Variants in CALN1 observed in about 807,000 individuals in gnomAD.
The protein encoded by CALN1 is calcium-binding protein 8.
In CALN1, 17 loss-of-function variants were observed where a neutral mutation model predicts 30.6. The ratio of observed to expected loss-of-function variants is 0.56; its 90% CI spans 0.38 to 0.83. CALN1 has a LOEUF of 0.83. CALN1 is among the 40% of genes least tolerant of loss of function. The pLI, the probability that CALN1 is intolerant of heterozygous loss-of-function variation, is 0.00. For synonymous variants in CALN1, 156 were observed against 131.4 expected (o/e 1.19, Z -1.28); for missense variants, 291 against 354.9 (o/e 0.82, Z 1.45).
chr7:72,492,653 T>C, the CALN1 span, among the ~76,000 whole-genome samples: 2 of 152,254 alleles, frequency 1.3e-5, no homozygotes, highest in African/African-American at 4.8e-5. Flanking sequence ...TCAGCCCTCG[T>C]GGCTCTAATA....
chr7:72,457,004 CTTTTTTT>C, the CALN1 span, among the ~76,000 whole-genome samples: 41 of 106,576 alleles, frequency 3.8e-4, 1 homozygote, highest in African/African-American at 1.3e-3. Context: ...TTCTTTCTTT[CTTTTTTT>C]TTTTTTTTTT....
chr7:71,971,953 A>AAAAAAGAAAGAAAG (rs1797839188), intron 5 of CALN1, among the ~76,000 whole-genome samples: 6 of 72,820 alleles, frequency 8.2e-5, no homozygotes, highest in African/African-American at 1.4e-4. Context: ...AAAAAAAAAA[A>AAAAAAGAAAGAAAG]AAAGAAAGAA....
intron 5 of CALN1, among the ~76,000 whole-genome samples, chr7:71,909,462 T>C (rs1297666152): frequency 6.6e-6 from 1 of 151,954 alleles, no homozygotes. Flanking sequence ...AGCAGACTGC[T>C]AATAAAGGCT....
At chr7:72,303,925 G>A (rs1313036107) in intron 2 of CALN1, among the ~76,000 whole-genome samples, 1 of 152,148 alleles carries the variant, frequency 6.6e-6, no homozygotes. Context: ...ATTTGTTTCT[G>A]CAGTGAGTAA....
At chr7:72,436,945 C>G (rs1262367842) in intron 1 of CALN1, among the ~76,000 whole-genome samples, 1 of 152,098 alleles carries the variant, frequency 6.6e-6, no homozygotes, top group Non-Finnish European at 1.5e-5. Flanking sequence ...TGGCACACAC[C>G]TGTAGTCCCA....
intron 5 of CALN1, among the ~76,000 whole-genome samples, chr7:72,021,583 T>C (rs1297597371): frequency 6.6e-6 from 1 of 152,122 alleles, no homozygotes; most frequent in Non-Finnish European, 1.5e-5. Context: ...ATGTTCTGGA[T>C]CCTAACAACA....
intron 2 of CALN1, among the ~76,000 whole-genome samples, chr7:72,364,929 G>A (rs1020957864): frequency 1.3e-5 from 2 of 151,606 alleles, no homozygotes; most frequent in African/African-American, 4.9e-5. Context: ...CAGCACTCTG[G>A]GAGGCCAAGG....
At position 72,215,419 on chromosome 7, in the gene CALN1, C is replaced by A. The variant is rs375796052; in HGVS notation, c.244+63267G>T. Among the ~76,000 whole-genome samples, 5 of 152,106 alleles carry A rather than the reference C, an allele frequency of 3.3e-5. No homozygotes were observed. The East Asian group carries it at 7.7e-4, about 24-fold the overall frequency. On this transcript the variant is annotated intron_variant, in intron 3 of 6. Coordinates refer to ENST00000395275, the MANE Select transcript of CALN1 (RefSeq NM_031468.4). ...GACCAGCCTGGTCAACATGGTGAAACCCCGTCTCTACCAAAAATACAAAAA... is the reference window on the plus strand; with the variant it reads ...GACCAGCCTGGTCAACATGGTGAAAACCCGTCTCTACCAAAAATACAAAAA...
intron 2 of CALN1, among the ~76,000 whole-genome samples, chr7:72,395,775 G>A (rs546286031): frequency 6.6e-6 from 1 of 152,050 alleles, no homozygotes; most frequent in Non-Finnish European, 1.5e-5. Flanking sequence ...TTGGTCAATG[G>A]AACAAGAGCA....
intron 5 of CALN1, among the ~76,000 whole-genome samples, chr7:71,826,615 C>A (rs1285093370): frequency 6.6e-6 from 1 of 152,134 alleles, no homozygotes; most frequent in Non-Finnish European, 1.5e-5. Context: ...AACCACAGAC[C>A]ATGTTGGAGG....
intron 2 of CALN1, among the ~76,000 whole-genome samples, chr7:72,385,468 A>AC (rs1296358798): frequency 6.6e-6 from 1 of 152,190 alleles, no homozygotes; most frequent in Non-Finnish European, 1.5e-5. Flanking sequence ...ATTCAGTTAT[A>AC]AAAAGAAATG....
the CALN1 span, among the ~76,000 whole-genome samples, chr7:72,453,589 C>G: frequency 6.6e-6 from 1 of 152,240 alleles, no homozygotes; most frequent in African/African-American, 2.4e-5. Flanking sequence ...ATCTCATTAG[C>G]TACTCTTGCA....
At chr7:72,468,831 G>A in the CALN1 span, among the ~76,000 whole-genome samples, 1 of 152,144 alleles carries the variant, frequency 6.6e-6, no homozygotes, top group Admixed American at 6.5e-5. Context: ...ATCTGTTCAT[G>A]TGCTTGTTGA....
intron 2 of CALN1, among the ~76,000 whole-genome samples, chr7:72,305,910 G>A (rs1281495417): frequency 1.3e-5 from 2 of 152,030 alleles, no homozygotes; most frequent in Non-Finnish European, 2.9e-5. Flanking sequence ...AGGGAGAGAG[G>A]GCAAGCTCTC....
At chr7:72,153,442 G>T (rs1267578604) in intron 3 of CALN1, among the ~76,000 whole-genome samples, 1 of 151,982 alleles carries the variant, frequency 6.6e-6, no homozygotes, top group East Asian at 1.9e-4. Context: ...ACTTTGGGAG[G>T]TCGAGGTGGG....
intron 2 of CALN1, among the ~76,000 whole-genome samples, chr7:72,349,605 AT>A (rs1308874278): frequency 6.6e-6 from 1 of 152,196 alleles, no homozygotes; most frequent in African/African-American, 2.4e-5. Context: ...ACAATGGAAC[AT>A]TTTTAATGTG....
At chr7:71,930,048 C>A (rs1795468110) in intron 5 of CALN1, among the ~76,000 whole-genome samples, 1 of 152,114 alleles carries the variant, frequency 6.6e-6, no homozygotes, top group Non-Finnish European at 1.5e-5. Flanking sequence ...AGATTACTTA[C>A]AATACCGAAT....
chr7:72,237,113 T>G (rs1476581089), intron 3 of CALN1, among the ~76,000 whole-genome samples: 1 of 151,742 alleles, frequency 6.6e-6, no homozygotes, highest in Admixed American at 6.6e-5. Context: ...GCCTCCCGAG[T>G]AGCTGAGATT....
chr7:71,800,298 T>C (rs948782265), intron 6 of CALN1, among the ~76,000 whole-genome samples: 10 of 152,194 alleles, frequency 6.6e-5, no homozygotes, highest in African/African-American at 2.4e-4. Flanking sequence ...ATTCCCAGGG[T>C]CACACAGCTA....
Sources: allele counts gnomAD v4.1 joint callset (sites outside exome capture counted in the v4.1 genomes callset), GRCh38; gene constraint gnomAD v4.1.1; transcripts MANE v1.5; gene names NCBI Gene and HGNC (gene_info 2026-07-23, HGNC 2026-07-21).